The following PDE5A variants were observed in gnomAD, a reference collection of about 807,000 sequenced individuals.
PDE5A encodes the protein phosphodiesterase 5A, also known as cGMP-specific 3',5'-cyclic phosphodiesterase.
Under a neutral mutation model 110.2 loss-of-function variants are expected in PDE5A, and 67 were observed. That is an observed-to-expected ratio of 0.61 (90% confidence interval 0.50 to 0.75). The LOEUF (loss-of-function observed/expected upper bound fraction) is 0.75, where lower values mean the gene tolerates loss of function less well. Among genes scored for constraint, PDE5A ranks in the 30% least tolerant of loss-of-function variants. PDE5A has a pLI of 0.00. For synonymous variants in PDE5A, 328 were observed against 351.2 expected, an observed-to-expected ratio of 0.93 and a Z score of 0.74; for missense variants, 862 against 1,045.1, an observed-to-expected ratio of 0.82 and a Z score of 2.42.
At chr4:119,508,223 C>T (rs1725621625) in intron 15 of PDE5A, among the ~76,000 whole-genome samples, 1 of 151,898 alleles carries the variant, frequency 6.6e-6, no homozygotes, top group Non-Finnish European at 1.5e-5. Flanking sequence ...GGGCATGAGC[C>T]AAAGGGTGCT....
chr4:119,513,350 G>C (rs1725811984), intron 14 of PDE5A, among the ~76,000 whole-genome samples: 1 of 151,944 alleles, frequency 6.6e-6, no homozygotes, highest in Non-Finnish European at 1.5e-5. Context: ...AACAGTTCTG[G>C]GTCTTATTTC....
intron 5 of PDE5A, among the ~76,000 whole-genome samples, chr4:119,563,795 T>C (rs1404333471): frequency 6.6e-6 from 1 of 152,134 alleles, no homozygotes; most frequent in Non-Finnish European, 1.5e-5. Context: ...TGTGATCCCA[T>C]CTGTTTGTAA....
chr4:119,509,810 G>C (rs745491862), intron 15 of PDE5A, among the ~76,000 whole-genome samples: 1 of 151,994 alleles, frequency 6.6e-6, no homozygotes, highest in African/African-American at 2.4e-5. Context: ...TGAGGGAGGC[G>C]TGAGAGTGTG....
At chr4:119,520,845 G>T in intron 13 of PDE5A, 90 bp downstream of exon 13, 1 of 1,058,194 alleles carries the variant, frequency 9.5e-7, no homozygotes, top group Non-Finnish European at 1.4e-6. Flanking sequence ...AAATCATTGT[G>T]CACCTTAAAG....
At chr4:119,561,150 T>A (rs992562373) in intron 6 of PDE5A, among the ~76,000 whole-genome samples, 8 of 152,110 alleles carry the variant, frequency 5.3e-5, no homozygotes, top group East Asian at 1.9e-4. Flanking sequence ...AGAAAAAAAA[T>A]TTTTTAAATC....
At chr4:119,604,863 A>C (rs904306113) in intron 2 of PDE5A, among the ~76,000 whole-genome samples, 1 of 152,170 alleles carries the variant, frequency 6.6e-6, no homozygotes, top group Non-Finnish European at 1.5e-5. Flanking sequence ...TGCCATTAAA[A>C]GTAATGACAA....
At chr4:119,541,328 C>T in intron 10 of PDE5A, among the ~76,000 whole-genome samples, 1 of 151,198 alleles carries the variant, frequency 6.6e-6, no homozygotes, top group Middle Eastern at 3.3e-3. Flanking sequence ...ATAATAAACA[C>T]ATATATAGAT....
At chr4:119,596,426 A>G in intron 3 of PDE5A, 97 bp downstream of exon 3, 1 of 556,230 alleles carries the variant, frequency 1.8e-6, no homozygotes, top group Non-Finnish European at 3.0e-6. Context: ...ATTTGTCACT[A>G]AAGCATTATT....
At chr4:119,501,363 T>C (rs565404938) in intron 19 of PDE5A, 110 bp from the exon 20 acceptor site, 3 of 683,440 alleles carry the variant, frequency 4.4e-6, no homozygotes, top group Non-Finnish European at 7.7e-6. Context: ...CAGGCTGGAG[T>C]GCAGTGGCAC....
chr4:119,534,585 C>A (rs1208312387), intron 11 of PDE5A, among the ~76,000 whole-genome samples: 1 of 152,084 alleles, frequency 6.6e-6, no homozygotes, highest in Non-Finnish European at 1.5e-5. Flanking sequence ...GGTACCACTG[C>A]CTTACTGGAT....
At position 119,552,578 on chromosome 4, in the gene PDE5A, T is replaced by A. The variant is rs776749425; in HGVS notation, c.1368A>T (p.Ile456=). The part of the protein sequence containing the change: ...QCIRSLLCTP[I]KNGKKNKVIG... ...TAACTTTATTCTTCTTTCCATTTTT[T>A]ATAGGTGTACAAAGCAAACTTCTAA... The change falls in exon 9 of 21, where the codon ATA becomes ATT. Residue 456 remains isoleucine (I), a synonymous_variant. Coordinates refer to ENST00000354960, the MANE Select transcript of PDE5A (RefSeq NM_001083.4). 19 of 1,528,702 alleles carry A rather than the reference T, an allele frequency of 1.2e-5. No homozygotes were observed. The highest frequency in any genetic ancestry group is 1.6e-5 in the Non-Finnish European group (18 of 1,133,436). 94.7% of individuals were successfully genotyped at this position (1,528,702 alleles called of 1,614,324 possible).
At chr4:119,557,019 A>G (rs1207884413) in intron 7 of PDE5A, among the ~76,000 whole-genome samples, 1 of 115,118 alleles carries the variant, frequency 8.7e-6, no homozygotes, top group Non-Finnish European at 1.9e-5. Context: ...CAATTGTAGA[A>G]AGAGTAGCTG....
At chr4:119,512,147 G>A (rs1725763361) in intron 14 of PDE5A, among the ~76,000 whole-genome samples, 1 of 152,092 alleles carries the variant, frequency 6.6e-6, no homozygotes, top group African/African-American at 2.4e-5. Flanking sequence ...ACCTAAGACT[G>A]AAGAAATGTA....
chr4:119,503,899 T>A (rs954536482), intron 18 of PDE5A, among the ~76,000 whole-genome samples: 4 of 152,118 alleles, frequency 2.6e-5, no homozygotes, highest in East Asian at 1.9e-4. Context: ...CCAAAAAAAA[T>A]TCCATACTTA....
intron 3 of PDE5A, among the ~76,000 whole-genome samples, chr4:119,580,869 C>A (rs1247250302): frequency 6.6e-6 from 1 of 152,226 alleles, no homozygotes; most frequent in Non-Finnish European, 1.5e-5. Context: ...CAGAATAATT[C>A]CACCACTGTT....
At chr4:119,532,708 A>T (rs1726586834) in intron 11 of PDE5A, among the ~76,000 whole-genome samples, 1 of 152,134 alleles carries the variant, frequency 6.6e-6, no homozygotes, top group South Asian at 2.1e-4. Context: ...ATCATTTAAA[A>T]ATTATTACGT....
intron 10 of PDE5A, among the ~76,000 whole-genome samples, chr4:119,541,059 G>C (rs1726909055): frequency 6.6e-6 from 1 of 152,102 alleles, no homozygotes; most frequent in South Asian, 2.1e-4. Context: ...TAAGCCAGTG[G>C]GAGGGGAAGG....
chr4:119,611,334 C>T (rs1425276942), intron 1 of PDE5A, among the ~76,000 whole-genome samples: 14 of 152,200 alleles, frequency 9.2e-5, no homozygotes, highest in Admixed American at 8.5e-4. Context: ...TAGATTAATG[C>T]TTACCACATA....
At chr4:119,591,383 T>C (rs1350662734) in intron 3 of PDE5A, among the ~76,000 whole-genome samples, 1 of 151,642 alleles carries the variant, frequency 6.6e-6, no homozygotes, top group African/African-American at 2.4e-5. Context: ...ATTTTGCAGA[T>C]GAGGAAACTG....
Sources: allele counts gnomAD v4.1 joint callset (sites outside exome capture counted in the v4.1 genomes callset), GRCh38; gene constraint gnomAD v4.1.1; transcripts MANE v1.5; gene names NCBI Gene and HGNC (gene_info 2026-07-23, HGNC 2026-07-21).